Variants in AFF3 observed in about 807,000 individuals in gnomAD.
The protein encoded by AFF3 is ALF transcription elongation factor 3, also known as AF4/FMR2 family member 3.
In AFF3, 32 loss-of-function variants were observed where a neutral mutation model predicts 129.7. The ratio of observed to expected loss-of-function variants is 0.25; its 90% CI spans 0.19 to 0.33. The LOEUF (loss-of-function observed/expected upper bound fraction) is 0.33. Among genes scored for constraint, AFF3 ranks in the 10% least tolerant of loss-of-function variants. AFF3 has a pLI of 1.00. For synonymous variants in AFF3, 644 were observed against 635.4 expected (o/e 1.01, Z -0.20); for missense variants, 1,373 against 1,592.0 (o/e 0.86, Z 2.34).
chr2:100,140,564 A>AT (rs1692821837), intron 1 of AFF3, among the ~76,000 whole-genome samples: 1 of 152,214 alleles, frequency 6.6e-6, no homozygotes. Flanking sequence ...TAAAATAAGC[A>AT]TAATTGCAAT....
At chr2:99,919,059 T>G (rs1695679287) in intron 7 of AFF3, among the ~76,000 whole-genome samples, 1 of 152,170 alleles carries the variant, frequency 6.6e-6, no homozygotes, top group Non-Finnish European at 1.5e-5. Context: ...CTTAGGTTAC[T>G]GTCTCATTTT....
At chr2:99,835,606 G>C (rs1688813100) in intron 8 of AFF3, among the ~76,000 whole-genome samples, 1 of 152,060 alleles carries the variant, frequency 6.6e-6, no homozygotes, top group Non-Finnish European at 1.5e-5. Context: ...GGGAGAGAGA[G>C]TAAAAAGCTC....
At chr2:99,802,070 A>G (rs927448379) in intron 8 of AFF3, among the ~76,000 whole-genome samples, 2 of 152,242 alleles carry the variant, frequency 1.3e-5, no homozygotes, top group African/African-American at 4.8e-5. Context: ...ACCAAGTTTA[A>G]AAAGTTATGG....
At chr2:99,582,517 C>A (rs1037613212) in intron 17 of AFF3, among the ~76,000 whole-genome samples, 1 of 152,140 alleles carries the variant, frequency 6.6e-6, no homozygotes, top group African/African-American at 2.4e-5. Context: ...TACTTTGTCC[C>A]GGGATGGTAT....
intron 4 of AFF3, among the ~76,000 whole-genome samples, chr2:100,064,037 C>A (rs770325837): frequency 6.6e-6 from 1 of 150,858 alleles, no homozygotes; most frequent in Non-Finnish European, 1.5e-5. Context: ...TGCAGTGAGC[C>A]GAGATCGTGC....
chr2:100,045,220 C>T (rs983018556), intron 4 of AFF3, among the ~76,000 whole-genome samples: 2 of 152,068 alleles, frequency 1.3e-5, no homozygotes, highest in African/African-American at 4.8e-5. Context: ...GTAGAGAAGA[C>T]GGTGAGGTCA....
intron 7 of AFF3, among the ~76,000 whole-genome samples, chr2:99,986,010 C>G (rs1679826087): frequency 6.6e-6 from 1 of 151,884 alleles, no homozygotes; most frequent in African/African-American, 2.4e-5. Flanking sequence ...ACCATCCTGG[C>G]TAACATGGTG....
chr2:99,637,726 A>T (rs1457592822), intron 13 of AFF3, among the ~76,000 whole-genome samples: 1 of 152,266 alleles, frequency 6.6e-6, no homozygotes, highest in African/African-American at 2.4e-5. Flanking sequence ...GAAGTAGGGT[A>T]GACAGCAGTG....
At chr2:99,758,655 G>A (rs145884562) in intron 8 of AFF3, among the ~76,000 whole-genome samples, 24 of 150,368 alleles carry the variant, frequency 1.6e-4, no homozygotes, top group African/African-American at 4.9e-4. Flanking sequence ...CAATGGTGAC[G>A]CTGAAGATGA....
chr2:99,745,187 T>C (rs1017038891), intron 9 of AFF3, among the ~76,000 whole-genome samples: 2 of 152,208 alleles, frequency 1.3e-5, no homozygotes, highest in Non-Finnish European at 1.5e-5. Flanking sequence ...TGGAGAAATA[T>C]CTATTCAAGT....
intron 22 of AFF3, among the ~76,000 whole-genome samples, chr2:99,556,296 T>C (rs1268527399): frequency 3.9e-5 from 6 of 151,912 alleles, no homozygotes; most frequent in Non-Finnish European, 8.8e-5. Context: ...ATACAAAAAA[T>C]TGGCCGGGTG....
chr2:99,777,691 G>A (rs1037726360), intron 8 of AFF3, among the ~76,000 whole-genome samples: 1 of 152,082 alleles, frequency 6.6e-6, no homozygotes, highest in African/African-American at 2.4e-5. Flanking sequence ...TCCAACATCT[G>A]GCAGGCTTTC....
At chr2:99,595,175 C>CA (rs201134158) in intron 14 of AFF3, among the ~76,000 whole-genome samples, 23 of 149,492 alleles carry the variant, frequency 1.5e-4, no homozygotes, top group East Asian at 3.9e-4. Context: ...GTCTCAGAAG[C>CA]AAAAAAAAAT....
chr2:99,870,061 T>G (rs1206823351), intron 7 of AFF3, among the ~76,000 whole-genome samples: 2 of 152,200 alleles, frequency 1.3e-5, no homozygotes, highest in African/African-American at 4.8e-5. Flanking sequence ...ACTGTGTGCC[T>G]TCTGGTCTTG....
chr2:99,607,040 T>C (rs1680433786), intron 13 of AFF3, among the ~76,000 whole-genome samples: 1 of 151,830 alleles, frequency 6.6e-6, no homozygotes, highest in Non-Finnish European at 1.5e-5. Context: ...CAGTTCCCTC[T>C]TGGATGGTTT....
At chr2:99,870,736 T>C (rs1245107214) in intron 7 of AFF3, among the ~76,000 whole-genome samples, 3 of 152,130 alleles carry the variant, frequency 2.0e-5, no homozygotes, top group Non-Finnish European at 4.4e-5. Context: ...GTGCAGACAA[T>C]ATAGCTTTTT....
intron 4 of AFF3, among the ~76,000 whole-genome samples, chr2:100,037,502 ATATATT>A (rs1444629046): frequency 3.5e-5 from 2 of 57,690 alleles, no homozygotes; most frequent in Non-Finnish European, 6.0e-5. Context: ...ATATATAAAT[ATATATT>A]TATATTTTAT....
intron 11 of AFF3, among the ~76,000 whole-genome samples, chr2:99,712,789 G>A (rs969143387): frequency 3.9e-5 from 6 of 152,146 alleles, no homozygotes; most frequent in Non-Finnish European, 5.9e-5. Flanking sequence ...GTAAACCCAC[G>A]TTCCTGGCAG....
At chr2:99,593,152 C>T (rs1678894124) in intron 15 of AFF3, 43 bp downstream of exon 15, 1 of 1,526,338 alleles carries the variant, frequency 6.6e-7, no homozygotes. Flanking sequence ...GAGATAGCCC[C>T]TTCCCCTCCA....
Sources: gnomAD v4.1 joint callset for allele counts (sites outside exome capture counted in the v4.1 genomes callset) on GRCh38, gnomAD v4.1.1 for gene constraint, MANE v1.5 for transcripts, NCBI Gene and HGNC (gene_info 2026-07-23, HGNC 2026-07-21) for gene names.